Variants in SRI observed in about 807,000 individuals in gnomAD.
SRI encodes 22 kDa protein.
Under a neutral mutation model 33.3 loss-of-function variants are expected in SRI, and 30 were observed. That is an observed-to-expected ratio of 0.90 (90% CI 0.67 to 1.22). The LOEUF (loss-of-function observed/expected upper bound fraction) is 1.22, where lower values mean the gene tolerates loss of function less well. SRI is among the 50% of genes most tolerant of loss of function. The pLI, the probability that SRI is intolerant of heterozygous loss-of-function variation, is 0.00. For missense variants in SRI, 243 were observed against 250.8 expected (o/e 0.97, Z 0.21); for synonymous variants, 75 against 89.9 (o/e 0.83, Z 0.94).
At position 88,205,171 on chromosome 7, in the gene SRI, G is replaced by GT. The variant is rs1851413550; in HGVS notation, c.*1306dup. The GT allele has an allele frequency of 6.6e-6, 1 of 152,172 alleles. No homozygotes were observed. The highest frequency in any genetic ancestry group is 2.1e-4 in the South Asian group (1 of 4,830). The allele number at this position is 152,172 out of a possible 1,614,324, so 9.4% of individuals were successfully genotyped here. A position where few individuals can be genotyped will look rare whatever the true frequency, so the allele number is the denominator to read the frequency against. ...TGACAACTAGTTGTTCAGTTGAATG[G>GT]TAAGTTTCACACTGCATCCTAAAAT... is the stretch of plus-strand genomic sequence containing the variant. On this transcript the variant is annotated 3_prime_UTR_variant, in exon 8 of 8. Coordinates refer to ENST00000265729, the MANE Select transcript of SRI (RefSeq NM_003130.4).
chr7:88,224,054 T>C (rs776631150), upstream of SRI, among the ~76,000 whole-genome samples: 1 of 152,214 alleles, frequency 6.6e-6, no homozygotes, highest in Non-Finnish European at 1.5e-5. Context: ...ACTCCAATCC[T>C]GCTGTTTACA....
intron 3 of SRI, among the ~76,000 whole-genome samples, chr7:88,211,220 C>T (rs776162762): frequency 1.3e-5 from 2 of 152,066 alleles, no homozygotes; most frequent in East Asian, 1.9e-4. Flanking sequence ...TGGGGGGTGC[C>T]GAGACAGGCG....
At chr7:88,219,871 G>C in intron 1 of SRI, 105 bp downstream of exon 1, 5 of 1,388,132 alleles carry the variant, frequency 3.6e-6, no homozygotes, top group Non-Finnish European at 4.9e-6. Flanking sequence ...AGGAGCCCGG[G>C]TAGCCGCCCA....
chr7:88,206,519 A>C lies in SRI; in HGVS notation c.571-15T>G. On this transcript the variant is annotated splice_polypyrimidine_tract_variant and intron_variant, in intron 7 of 7. Coordinates refer to ENST00000265729, the MANE Select transcript of SRI (RefSeq NM_003130.4). ...CATTGAATGAACTGAAAGAAAAATC[A>C]GCATTATATGACAGACCTCAAAGCA... 6.2e-7 allele frequency: 1 copy of C among 1,613,780 alleles called. No homozygotes were observed. The highest frequency in any genetic ancestry group is 1.1e-5 in the South Asian group (1 of 91,082).
intron 3 of SRI, among the ~76,000 whole-genome samples, chr7:88,214,354 A>C (rs1377428431): frequency 6.6e-6 from 1 of 152,232 alleles, no homozygotes; most frequent in East Asian, 1.9e-4. Flanking sequence ...GGTGCATTAC[A>C]GAGGACCTTG....
intron 4 of SRI, 36 bp from the exon 5 acceptor site, chr7:88,210,166 G>T (rs201626526): frequency 6.2e-7 from 1 of 1,611,700 alleles, no homozygotes; most frequent in East Asian, 2.2e-5. Flanking sequence ...TGTATTTTGC[G>T]ATATTTTCTA....
At chr7:88,225,962 G>A (rs1586726333) in intron 1 of SRI, among the ~76,000 whole-genome samples, 1 of 152,188 alleles carries the variant, frequency 6.6e-6, no homozygotes, top group Non-Finnish European at 1.5e-5. Flanking sequence ...AGAACTGGCT[G>A]TAATTAGTTT....
intron 7 of SRI, 175 bp downstream of exon 7, chr7:88,208,332 T>G (rs1851483066): frequency 2.1e-6 from 3 of 1,398,024 alleles, no homozygotes; most frequent in Non-Finnish European, 2.8e-6. Context: ...CTCACTATAG[T>G]TAAGACTAAT....
chr7:88,213,043 G>C (rs1407786061), intron 3 of SRI, among the ~76,000 whole-genome samples: 1 of 152,146 alleles, frequency 6.6e-6, no homozygotes, highest in East Asian at 1.9e-4. Context: ...ACCCAAGCCA[G>C]AAACCTGGGA....
At chr7:88,209,181 A>C in intron 6 of SRI, 158 bp downstream of exon 6, 1 of 521,610 alleles carries the variant, frequency 1.9e-6, no homozygotes, top group Non-Finnish European at 3.3e-6. Flanking sequence ...AAAAAAACCA[A>C]AAAATTATTT....
chr7:88,217,083 A>G, intron 3 of SRI, 39 bp downstream of exon 3: 1 of 1,575,046 alleles, frequency 6.3e-7, no homozygotes, highest in Non-Finnish European at 8.7e-7. Context: ...TAGGAAACAC[A>G]AGAGTATATT....
At position 88,206,474 on chromosome 7, in the gene SRI, T is replaced by C. The variant is rs1254588504; in HGVS notation, c.*4A>G. On this transcript the variant is annotated 3_prime_UTR_variant, in exon 8 of 8. Coordinates refer to ENST00000265729, the MANE Select transcript of SRI (RefSeq NM_003130.4). ...TGATTACATTCATGCAGCTTCCTCT[T>C]GATTTAAACACTCATGACACATTGA... 2 of 1,613,816 alleles carry C rather than the reference T, an allele frequency of 1.2e-6. No homozygotes were observed. The highest frequency in any genetic ancestry group is 2.7e-5 in the African/African-American group (2 of 74,932).
At chr7:88,211,889 CA>C (rs1482653082) in intron 3 of SRI, among the ~76,000 whole-genome samples, 2 of 152,160 alleles carry the variant, frequency 1.3e-5, no homozygotes, top group Non-Finnish European at 2.9e-5. Context: ...CTTATGTAAC[CA>C]AACCAGAGCA....
upstream of SRI, among the ~76,000 whole-genome samples, chr7:88,222,151 G>A (rs43105): frequency 0.19 from 27,698 of 143,878 alleles, 3,797 homozygotes; most frequent in East Asian, 0.74. Context: ...ATAAACATAC[G>A]TGTGCATGTG....
chr7:88,224,691 C>T (rs1317359756), upstream of SRI, among the ~76,000 whole-genome samples: 1 of 152,098 alleles, frequency 6.6e-6, no homozygotes, highest in Non-Finnish European at 1.5e-5. Flanking sequence ...AGTAAGAGCT[C>T]AGTTAATCAT....
At chr7:88,212,233 T>C (rs1461891444) in intron 3 of SRI, among the ~76,000 whole-genome samples, 3 of 152,264 alleles carry the variant, frequency 2.0e-5, no homozygotes, top group African/African-American at 7.2e-5. Context: ...GTGTTTGGCA[T>C]ATGCTTTACT....
Position 88,208,427 on chromosome 7 carries a change from C to A in SRI, c.570+80G>T, listed in dbSNP as rs1768268024. The A allele has an allele frequency of 3.8e-6, 6 of 1,576,298 alleles. No individual in the cohort carries two copies. The Admixed American group carries it at 7.2e-5, about 19-fold the overall frequency. On this transcript the variant is annotated intron_variant, in intron 7 of 7. Transcript: ENST00000265729. ...CTGGCATCCTTAACCTTAAGATATT[C>A]TTAACAGCTAATTTCAAAGGGATAC...
chr7:88,214,828 C>A, intron 3 of SRI: 1 of 1,234,214 alleles, frequency 8.1e-7, no homozygotes, highest in Non-Finnish European at 1.0e-6. Flanking sequence ...GTTCATTCTA[C>A]TAGAATGCCT....
chr7:88,216,306 T>C (rs73397640), intron 3 of SRI, among the ~76,000 whole-genome samples: 7,200 of 151,998 alleles, frequency 0.047, 590 homozygotes, highest in African/African-American at 0.16. Flanking sequence ...CAGTATTTCA[T>C]TACTCTCAGC....
Sources: gnomAD v4.1 joint callset for allele counts (sites outside exome capture counted in the v4.1 genomes callset) on GRCh38, gnomAD v4.1.1 for gene constraint, MANE v1.5 for transcripts, NCBI Gene and HGNC (gene_info 2026-07-23, HGNC 2026-07-21) for gene names.